SCAMP4: variants seen among roughly 807,000 people sequenced by gnomAD.
SCAMP4 encodes secretory carrier-associated membrane protein 4.
Under a neutral mutation model 32.1 loss-of-function variants are expected in SCAMP4, and 19 were observed. The observed-to-expected ratio is 0.59, with a 90% CI of 0.41 to 0.87. The LOEUF is 0.87. Among genes scored for constraint, SCAMP4 ranks in the 40% least tolerant of loss-of-function variants. The pLI, the probability that SCAMP4 is intolerant of heterozygous loss-of-function variation, is 0.00. For synonymous variants in SCAMP4, 152 were observed against 132.7 expected (o/e 1.15, Z -1.00); for missense variants, 302 against 309.0 (o/e 0.98, Z 0.17).
At position 1,908,581 on chromosome 19, in the gene SCAMP4, G is replaced by GC; in HGVS notation, c.-42+3146dup. ...TCATTTTAAGATCATCTGCGGCTTA[G>GC]CCCCAGCACCATCTGAGGCAGTACT... On this transcript the variant is annotated intron_variant, in intron 1 of 6. Coordinates refer to ENST00000316097, the MANE Select transcript of SCAMP4 (RefSeq NM_079834.4). This position sits in a 1 kb window ranked among gnomAD's most constrained non-coding sequence, Gnocchi z 4.2. 2 of 471,126 alleles carry GC rather than the reference G, an allele frequency of 4.2e-6. No individual in the cohort carries two copies. Among genetic ancestry groups the GC allele is most frequent in the Non-Finnish European group, 8.8e-6 (2 of 227,034 alleles). 29.2% of individuals were successfully genotyped at this position (471,126 alleles called of 1,614,324 possible). A position where few individuals can be genotyped will look rare whatever the true frequency, so the allele number is the denominator to read the frequency against.
intron 5 of SCAMP4, chr19:1,922,633 T>C: frequency 1.0e-6 from 1 of 985,996 alleles, no homozygotes; most frequent in Non-Finnish European, 1.2e-6. Flanking sequence ...GTTTCAGCAG[T>C]TCCCATCATT....
At position 1,918,890 on chromosome 19, in the gene SCAMP4, G is replaced by A; in HGVS notation, c.295G>A (p.Ala99Thr). Residue 99 changes from alanine (A) to threonine (T), a missense_variant and splice_region_variant, in exon 5 of 7, where the codon GCC (alanine) becomes ACC (threonine). By Grantham distance (58) the Ala-to-Thr change is moderately conservative (BLOSUM62 0). Transcript: ENST00000316097. ...WFRPVYKAFR[A>T]DSSFNFMAFF... ...GTCGTGTTTTCTGTCCCTCCCCAGA[G>A]CCGACAGCTCCTTTAATTTCATGGC... is the stretch of plus-strand genomic sequence containing the variant. 6.2e-7 allele frequency: 1 copy of A among 1,604,574 alleles called. No homozygotes were observed. The highest frequency in any genetic ancestry group is 8.5e-7 in the Non-Finnish European group (1 of 1,175,532).
rs1055408577 is a variant in SCAMP4 at position 1,908,832 on chromosome 19, G to A, written c.-42+3393G>A. The stretch of plus-strand genomic sequence containing the variant: ...CTTTTAAGCAATGTGGGCTGGGCAC[G>A]GTGGCTCACACCTGTAATCCCAGCA... On this transcript the variant is annotated intron_variant, in intron 1 of 6. Transcript: ENST00000316097. This position sits in a 1 kb window ranked among gnomAD's most constrained non-coding sequence, Gnocchi z 4.2. 1.3e-5 allele frequency among the ~76,000 whole-genome samples: 2 copies of A among 152,056 alleles called. No individual in the cohort carries two copies. Among genetic ancestry groups the A allele is most frequent in the African/African-American group, 2.4e-5 (1 of 41,392 alleles).
At chr19:1,907,424 A>T (rs1409679074) in intron 1 of SCAMP4, among the ~76,000 whole-genome samples, 1 of 148,988 alleles carries the variant, frequency 6.7e-6, no homozygotes, top group African/African-American at 2.5e-5. Flanking sequence ...AGGAATTCCC[A>T]TTTCACAGGG....
chr19:1,907,569 G>C (rs1166497480), intron 1 of SCAMP4, among the ~76,000 whole-genome samples: 2 of 152,106 alleles, frequency 1.3e-5, no homozygotes, highest in East Asian at 3.9e-4. Flanking sequence ...CCCAGGTCCC[G>C]GCGCGGACCT....
chr19:1,913,130 C>G (rs1343038286), intron 1 of SCAMP4: 2 of 1,571,764 alleles, frequency 1.3e-6, no homozygotes, highest in South Asian at 2.3e-5. Context: ...AGCAGTGCCG[C>G]TGGCTGGACC....
At position 1,925,613 on chromosome 19, in the gene SCAMP4, C is replaced by G. The variant is rs983649340; in HGVS notation, c.*1329C>G. 5 of 153,074 alleles carry G rather than the reference C, an allele frequency of 3.3e-5. No homozygotes were observed. Among genetic ancestry groups the G allele is most frequent in the Non-Finnish European group, 7.3e-5 (5 of 68,300 alleles). 9.5% of individuals were successfully genotyped at this position (153,074 alleles called of 1,614,324 possible). On this transcript the variant is annotated 3_prime_UTR_variant, in exon 7 of 7. Coordinates refer to ENST00000316097, the MANE Select transcript of SCAMP4 (RefSeq NM_079834.4). ...TCGCTGACCACAACTTTGGACACCC[C>G]AGGCTGCCACCCCTCCCCACCCGTT...
At chr19:1,913,190 C>A in intron 1 of SCAMP4, 1 of 1,469,774 alleles carries the variant, frequency 6.8e-7, no homozygotes, top group Non-Finnish European at 9.0e-7. Flanking sequence ...CCGCTCCCGG[C>A]CGTGGGGCGC....
At chr19:1,914,655 C>G (rs1293800533) in intron 1 of SCAMP4, 2 of 422,866 alleles carry the variant, frequency 4.7e-6, no homozygotes, top group Non-Finnish European at 8.8e-6. Flanking sequence ...GTGGCGCCCA[C>G]CCCTTGTGGG....
intron 1 of SCAMP4, chr19:1,907,940 T>TC (rs1236968598): frequency 2.6e-5 from 4 of 153,960 alleles, no homozygotes; most frequent in Non-Finnish European, 5.8e-5. Context: ...CTGTGCCTGT[T>TC]CCGGGATTTT....
intron 1 of SCAMP4, among the ~76,000 whole-genome samples, chr19:1,910,352 C>T (rs1031678528): frequency 2.2e-4 from 33 of 152,174 alleles, no homozygotes; most frequent in Admixed American, 7.2e-4. Context: ...GGAAGCCAGG[C>T]GCCGCCTGTC....
chr19:1,912,075 C>T (rs1420353112), intron 1 of SCAMP4: 2 of 1,451,130 alleles, frequency 1.4e-6, no homozygotes, highest in Admixed American at 2.6e-5. Context: ...TCTCTGTCTC[C>T]CACAGTCGGC....
Position 1,924,340 on chromosome 19 carries a change from T to TA in SCAMP4, c.*57dup. 2 of 1,475,290 alleles carry TA rather than the reference T, an allele frequency of 1.4e-6. No individual in the cohort carries two copies. Among genetic ancestry groups the TA allele is most frequent in the Non-Finnish European group, 1.8e-6 (2 of 1,090,662 alleles). 91.4% of individuals were successfully genotyped at this position (1,475,290 alleles called of 1,614,324 possible). On this transcript the variant is annotated 3_prime_UTR_variant, in exon 7 of 7. Coordinates refer to ENST00000316097, the MANE Select transcript of SCAMP4 (RefSeq NM_079834.4). ...ACCTCCTCCCCTTCATTCCTGCTGC[T>TA]ACCCCTGGTCCCGAGGGCTGGGAGT... is the stretch of plus-strand genomic sequence containing the variant.
chr19:1,912,080 G>T lies in SCAMP4; in HGVS notation c.-41-2899G>T, dbSNP rs774124572. ...TCTGCTCCCGTCTCTGTCTCCCACA[G>T]TCGGCCTCGCTGAGGATGGAGCCCG... is the stretch of plus-strand genomic sequence containing the variant. On this transcript the variant is annotated intron_variant, in intron 1 of 6. Coordinates refer to ENST00000316097, the MANE Select transcript of SCAMP4 (RefSeq NM_079834.4). 44 of 1,456,830 alleles carry T rather than the reference G, an allele frequency of 3.0e-5. 2 individuals are homozygous for T. The South Asian group carries it at 5.7e-4, about 19-fold the overall frequency. 90.2% of individuals were successfully genotyped at this position (1,456,830 alleles called of 1,614,324 possible).
At chr19:1,921,322 G>C in intron 5 of SCAMP4, 1 of 985,448 alleles carries the variant, frequency 1.0e-6, no homozygotes, top group Non-Finnish European at 1.2e-6. Context: ...GAGGCCATGA[G>C]CCACGGCAGC....
At position 1,918,283 on chromosome 19, in the gene SCAMP4, G is replaced by A. The variant is rs750198903; in HGVS notation, c.293G>A (p.Arg98Gln). ...CWFRPVYKAF[R>Q]ADSSFNFMAF... ...TTCCGGCCTGTCTACAAGGCCTTCC[G>A]GTGAGCAGAGCTGCCGGGGGCCGTC... Residue 98 changes from arginine (R) to glutamine (Q), a missense_variant and splice_region_variant, in exon 4 of 7, where the codon CGA becomes CAA. Transcript: ENST00000316097. 1.1e-5 allele frequency: 18 copies of A among 1,596,788 alleles called. No individual in the cohort carries two copies. Among genetic ancestry groups the A allele is most frequent in the South Asian group, 3.3e-5 (3 of 89,978 alleles).
At chr19:1,918,782 A>C in intron 4 of SCAMP4, 107 bp from the exon 5 acceptor site, 2 of 1,463,868 alleles carry the variant, frequency 1.4e-6, no homozygotes, top group South Asian at 1.4e-5. Context: ...AAAAAGGAAT[A>C]AAATAGAGCC....
intron 1 of SCAMP4, chr19:1,913,011 G>T (rs748867878): frequency 6.2e-7 from 1 of 1,606,774 alleles, no homozygotes; most frequent in Admixed American, 1.7e-5. Flanking sequence ...CATCCTGCGC[G>T]TCTTCTACGG....
At chr19:1,912,017 C>G in intron 1 of SCAMP4, 1 of 1,419,280 alleles carries the variant, frequency 7.0e-7, no homozygotes, top group South Asian at 1.5e-5. Flanking sequence ...ACGGACTCCC[C>G]GGCTCTCCCC....
Sources: gnomAD v4.1 joint callset for allele counts (sites outside exome capture counted in the v4.1 genomes callset) on GRCh38, gnomAD v4.1.1 for gene constraint, Gnocchi (gnomAD v3.1) non-coding constraint, MANE v1.5 for transcripts, NCBI Gene and HGNC (gene_info 2026-07-23, HGNC 2026-07-21) for gene names.